The following DNPEP variants were observed in gnomAD, a reference collection of about 807,000 sequenced individuals.
DNPEP encodes the protein aspartyl aminopeptidase.
A neutral mutation model predicts 59.1 loss-of-function variants in DNPEP; 46 were observed. That is an observed-to-expected ratio of 0.78 (90% confidence interval 0.61 to 0.99). DNPEP has a LOEUF of 0.99. Among genes scored for constraint, DNPEP ranks in the 50% least tolerant of loss-of-function variants. The pLI is 0.00. For synonymous variants in DNPEP, 229 were observed against 242.2 expected, an observed-to-expected ratio of 0.95 and a Z score of 0.50; for missense variants, 617 against 649.9, an observed-to-expected ratio of 0.95 and a Z score of 0.55.
In DNPEP at chr2:219,377,277, CAAAAAA is replaced by C. The variant is rs386392672; in HGVS notation, c.1240-2261_1240-2256del. On this transcript the variant is annotated intron_variant, in intron 13 of 14. Transcript: ENST00000273075. ...CGACAGAGTGAAACTCTCACTCTGT[CAAAAAA>C]AAAAAAAAAAAAAAAAAAAAAAGTT... Among the ~76,000 whole-genome samples the C allele has an allele frequency of 2.3e-3, 151 of 66,084 alleles. 1 individual carries two copies. In the South Asian group the frequency reaches 0.054, roughly 24 times the overall value. 43.4% of individuals were successfully genotyped at this position (66,084 alleles called of 152,430 possible). A position where few individuals can be genotyped will look rare whatever the true frequency, so the allele number is the denominator to read the frequency against.
intron 10 of DNPEP, 62 bp from the exon 11 acceptor site, chr2:219,382,201 G>C (rs1222710856): frequency 1.0e-5 from 16 of 1,557,524 alleles, no homozygotes; most frequent in Non-Finnish European, 1.0e-5. Flanking sequence ...TTGGAAGCCA[G>C]TGAGAGGGGC....
upstream of DNPEP, among the ~76,000 whole-genome samples, chr2:219,391,058 C>T (rs1228379243): frequency 6.6e-6 from 1 of 152,122 alleles, no homozygotes; most frequent in Non-Finnish European, 1.5e-5. Context: ...CTACTATTAC[C>T]ATAAATCCTG....
Position 219,386,402 on chromosome 2 carries a change from G to A in DNPEP, c.343C>T (p.Arg115Trp), listed in dbSNP as rs1444281687. 2.5e-6 allele frequency: 4 copies of A among 1,614,198 alleles called. No homozygotes were observed. Among genetic ancestry groups the A allele is most frequent in the East Asian group, 2.2e-5 (1 of 44,886 alleles). The change falls in exon 5 of 15, where the codon CGG becomes TGG. Residue 115 changes from arginine to tryptophan, a missense_variant. Transcript: ENST00000273075. ...AAGCCCACCTGGCTGCGGCGAGACC[G>A]ACGTTTCACCTGAGTGTAAAGATGG... ...TDSPCLRVKR[R>W]SRRSQVGFQQ... is the part of the protein sequence containing the mutation.
In DNPEP at chr2:219,374,058, T is replaced by A. The variant is rs1953273173; in HGVS notation, c.*234A>T. The A allele has an allele frequency of 3.9e-6, 2 of 509,256 alleles. No homozygotes were observed. The highest frequency in any genetic ancestry group is 6.6e-5 in the South Asian group (2 of 30,266). The allele number at this position is 509,256 out of a possible 1,614,324, so 31.5% of individuals were successfully genotyped here. On this transcript the variant is annotated 3_prime_UTR_variant, in exon 15 of 15. Transcript: ENST00000273075. The stretch of plus-strand genomic sequence containing the variant: ...CATGGACTTGAGACAGAGAAGAGAT[T>A]TAAAACCAGATTTAAAACCATCAGC...
At chr2:219,382,172 T>G in intron 10 of DNPEP, 33 bp from the exon 11 acceptor site, 4 of 1,594,818 alleles carry the variant, frequency 2.5e-6, no homozygotes, top group Non-Finnish European at 2.6e-6. Flanking sequence ...TCTGGGAATC[T>G]GGGCTTAGGG....
At chr2:219,388,277 G>C (rs1953941178), upstream of DNPEP, among the ~76,000 whole-genome samples, 1 of 111,398 alleles carries the variant, frequency 9.0e-6, no homozygotes, top group African/African-American at 3.6e-5. Context: ...GGCCCTCGCT[G>C]TACCCCACTA....
chr2:219,396,004 G>T (rs1459362413), intron 1 of DNPEP, among the ~76,000 whole-genome samples: 1 of 152,168 alleles, frequency 6.6e-6, no homozygotes, highest in Admixed American at 6.5e-5. Context: ...ATAATACTCA[G>T]CGATAAAAAG....
chr2:219,378,072 C>T (rs1422788076), intron 13 of DNPEP, among the ~76,000 whole-genome samples: 2 of 152,056 alleles, frequency 1.3e-5, no homozygotes, highest in Non-Finnish European at 2.9e-5. Flanking sequence ...ATCTGGAAGA[C>T]TATACCAAAT....
rs1953219962 is a variant in DNPEP, at chr2:219,372,429, A to G, written c.*1863T>C. On this transcript the variant is annotated 3_prime_UTR_variant, in exon 15 of 15. Coordinates refer to ENST00000273075, the MANE Select transcript of DNPEP (RefSeq NM_012100.4). ...CGCCCAGGCTGGAGTGCAGTGGCTC[A>G]ATCTTGGCTCACTGCAGCCTCTGCC... 6.6e-6 allele frequency among the ~76,000 whole-genome samples: 1 copy of G among 151,910 alleles called. No homozygotes were observed. The highest frequency in any genetic ancestry group is 1.5e-5 in the Non-Finnish European group (1 of 67,966).
chr2:219,386,166 A>G, intron 5 of DNPEP, 68 bp from the exon 6 acceptor site: 5 of 1,482,984 alleles, frequency 3.4e-6, no homozygotes, highest in Non-Finnish European at 4.5e-6. Context: ...TACTTCACTC[A>G]GACTAAGCAG....
At chr2:219,384,072 C>T (rs1953708819) in intron 9 of DNPEP, among the ~76,000 whole-genome samples, 1 of 152,202 alleles carries the variant, frequency 6.6e-6, no homozygotes, top group Non-Finnish European at 1.5e-5. Flanking sequence ...AGGTTGTTAA[C>T]TTCAGGAAAA....
In DNPEP at chr2:219,372,111, T is replaced by G. The variant is rs80201277; in HGVS notation, c.*2181A>C. ...ACTTAAATGACCATTATTAACAGAC[T>G]GAATAAATAATGACCATCTATACAA... On this transcript the variant is annotated 3_prime_UTR_variant, in exon 15 of 15. Transcript: ENST00000273075. 0.026 allele frequency among the ~76,000 whole-genome samples: 3,956 copies of G among 152,284 alleles called. 170 individuals carry two copies. The highest frequency in any genetic ancestry group is 0.089 in the African/African-American group (3,681 of 41,550).
upstream of DNPEP, chr2:219,388,078 C>T: frequency 2.2e-6 from 1 of 449,524 alleles, no homozygotes; most frequent in Non-Finnish European, 3.3e-6. Context: ...CCTTGCCCCG[C>T]CCCTAGCTTG....
intron 9 of DNPEP, among the ~76,000 whole-genome samples, chr2:219,383,630 A>T (rs1441571858): frequency 6.6e-6 from 1 of 152,126 alleles, no homozygotes; most frequent in Non-Finnish European, 1.5e-5. Context: ...AAGAGCTGAG[A>T]GTCCTGGAAA....
At chr2:219,386,221 T>C in intron 5 of DNPEP, 65 bp downstream of exon 5, 1 of 1,611,886 alleles carries the variant, frequency 6.2e-7, no homozygotes, top group Non-Finnish European at 8.5e-7. Flanking sequence ...TCCCCACGGG[T>C]ACCCTGAGGA....
At chr2:219,395,251 G>A (rs1001598771) in intron 1 of DNPEP, among the ~76,000 whole-genome samples, 7 of 152,146 alleles carry the variant, frequency 4.6e-5, no homozygotes, top group Non-Finnish European at 1.0e-4. Context: ...CCCGGCCGAC[G>A]TGGGGTCTAT....
chr2:219,390,908 G>A (rs1212453044), upstream of DNPEP, among the ~76,000 whole-genome samples: 3 of 152,100 alleles, frequency 2.0e-5, no homozygotes, highest in Non-Finnish European at 2.9e-5. Context: ...GGAAAAGATG[G>A]GTAATATCAA....
rs576446767 is a variant in DNPEP at position 219,385,215 on chromosome 2, G to A, written c.774+209C>T. 5.8e-6 allele frequency: 3 copies of A among 516,786 alleles called. No homozygotes were observed. In the South Asian group the frequency reaches 9.3e-5, roughly 16 times the overall value. 32.0% of individuals were successfully genotyped at this position (516,786 alleles called of 1,614,324 possible). ...AATCTGTAAAAAGGGCCAATTCCCAGATAGTCCTAGTGGGCAGGTCTGGGG... is the reference window on the plus strand; with the variant it reads ...AATCTGTAAAAAGGGCCAATTCCCAAATAGTCCTAGTGGGCAGGTCTGGGG... On this transcript the variant is annotated intron_variant, in intron 8 of 14. Transcript: ENST00000273075.
At chr2:219,381,223 C>A in intron 13 of DNPEP, 112 bp downstream of exon 13, 1 of 893,006 alleles carries the variant, frequency 1.1e-6, no homozygotes. Flanking sequence ...TCTACTGGGA[C>A]CCCCCTCCAC....
Sources: gnomAD v4.1 joint callset for allele counts (sites outside exome capture counted in the v4.1 genomes callset) on GRCh38, gnomAD v4.1.1 for gene constraint, MANE v1.5 for transcripts, NCBI Gene and HGNC (gene_info 2026-07-23, HGNC 2026-07-21) for gene names.